Variants in RALGAPA2 observed in about 807,000 individuals in gnomAD.
The protein encoded by RALGAPA2 is ral GTPase-activating protein subunit alpha-2.
Under a neutral mutation model 230.4 loss-of-function variants are expected in RALGAPA2, and 139 were observed. That is an observed-to-expected ratio of 0.60 (90% CI 0.53 to 0.69). The LOEUF is 0.69. RALGAPA2 is among the 30% of genes least tolerant of loss of function. The pLI is 0.00. For synonymous variants in RALGAPA2, 847 were observed against 837.8 expected (o/e 1.01, Z -0.19); for missense variants, 2,163 against 2,276.0 (o/e 0.95, Z 1.01).
At chr20:20,704,410 T>C (rs1197946460) in intron 1 of RALGAPA2, among the ~76,000 whole-genome samples, 3 of 152,184 alleles carry the variant, frequency 2.0e-5, no homozygotes, top group Non-Finnish European at 4.4e-5. Context: ...CCATGTTAGG[T>C]ACTCTTTCAA....
intron 15 of RALGAPA2, among the ~76,000 whole-genome samples, chr20:20,602,760 C>T (rs1214182452): frequency 6.6e-6 from 1 of 152,064 alleles, no homozygotes. Flanking sequence ...TAAGATAAGT[C>T]TGTCTCTTTA....
chr20:20,460,105 C>T (rs1466807163), intron 37 of RALGAPA2, among the ~76,000 whole-genome samples: 2 of 152,196 alleles, frequency 1.3e-5, no homozygotes, highest in Non-Finnish European at 2.9e-5. Context: ...CCCTGATTTA[C>T]CATGGCACAT....
chr20:20,655,800 T>C (rs1407659971), intron 3 of RALGAPA2, among the ~76,000 whole-genome samples: 1 of 152,004 alleles, frequency 6.6e-6, no homozygotes, highest in East Asian at 1.9e-4. Context: ...AAAGAGAACA[T>C]ATAATAGTGA....
chr20:20,693,643 T>C (rs981625842), intron 1 of RALGAPA2, among the ~76,000 whole-genome samples: 20 of 152,116 alleles, frequency 1.3e-4, no homozygotes, highest in African/African-American at 4.6e-4. Flanking sequence ...TAATTATGAT[T>C]AACAGTAATA....
At chr20:20,397,456 C>T (rs73288519) in intron 38 of RALGAPA2, among the ~76,000 whole-genome samples, 4,001 of 152,320 alleles carry the variant, frequency 0.026, 187 homozygotes, top group African/African-American at 0.091. Flanking sequence ...TCCACGCCAT[C>T]CTATTTCCTA....
rs762792605 is a variant in RALGAPA2, at chr20:20,546,866, A to G, written c.3157-34T>C. 1.9e-6 allele frequency: 3 copies of G among 1,543,524 alleles called. No individual in the cohort carries two copies. In the Admixed American group the frequency reaches 6.3e-5, roughly 32 times the overall value. ...GAAGATAAGAAAAAACACAATCGTA[A>G]TGTTCAAACACAAAATTCCAAAGTA... On this transcript the variant is annotated intron_variant, in intron 23 of 39. Transcript: ENST00000202677.
chr20:20,429,895 TC>T (rs1335711993), intron 37 of RALGAPA2, among the ~76,000 whole-genome samples: 1 of 152,174 alleles, frequency 6.6e-6, no homozygotes, highest in Non-Finnish European at 1.5e-5. Context: ...TTGGTGTCAT[TC>T]AAAAACCCTG....
At chr20:20,410,628 C>T (rs1217161053) in intron 38 of RALGAPA2, among the ~76,000 whole-genome samples, 1 of 152,288 alleles carries the variant, frequency 6.6e-6, no homozygotes, top group South Asian at 2.1e-4. Context: ...ATCTTCATTT[C>T]CCTTGAAACG....
chr20:20,655,691 G>A (rs2067565606), intron 3 of RALGAPA2, among the ~76,000 whole-genome samples: 1 of 152,182 alleles, frequency 6.6e-6, no homozygotes, highest in Non-Finnish European at 1.5e-5. Flanking sequence ...GAGGTGAACT[G>A]GAGGCAGCTG....
At chr20:20,582,538 A>T (rs1358453828) in intron 20 of RALGAPA2, among the ~76,000 whole-genome samples, 2 of 152,116 alleles carry the variant, frequency 1.3e-5, no homozygotes, top group Non-Finnish European at 2.9e-5. Context: ...GTAAAACTAT[A>T]AAGAAATCAA....
chr20:20,544,077 T>C (rs1177188645), intron 24 of RALGAPA2, among the ~76,000 whole-genome samples: 2 of 151,140 alleles, frequency 1.3e-5, no homozygotes, highest in African/African-American at 4.9e-5. Context: ...GAAATGCAAA[T>C]CAAAACCACA....
At chr20:20,500,188 G>C (rs983454418) in intron 35 of RALGAPA2, among the ~76,000 whole-genome samples, 12 of 152,150 alleles carry the variant, frequency 7.9e-5, no homozygotes, top group Admixed American at 5.2e-4. Flanking sequence ...CTGAAGGCTG[G>C]GGTGGCTGTG....
chr20:20,622,613 TA>T (rs1334892490), intron 10 of RALGAPA2, among the ~76,000 whole-genome samples: 1 of 152,128 alleles, frequency 6.6e-6, no homozygotes, highest in Non-Finnish European at 1.5e-5. Context: ...AAAACACTTC[TA>T]AAATGAAAGC....
chr20:20,640,473 A>C (rs2066994994), intron 6 of RALGAPA2, among the ~76,000 whole-genome samples: 1 of 152,142 alleles, frequency 6.6e-6, no homozygotes, highest in African/African-American at 2.4e-5. Context: ...GTCCCCTCCT[A>C]TTCCTGCTTC....
In RALGAPA2 at chr20:20,637,447, G is replaced by T; in HGVS notation, c.721C>A (p.Leu241Ile). ...KENQDTGFKFLFTLFRKYYLP... is the reference protein window; with the variant it reads ...KENQDTGFKFIFTLFRKYYLP... ...TAATACTTTCGAAACAATGTAAAAA[G>T]AAATTTAAAACCAGTATCTTGATTC... is the stretch of plus-strand genomic sequence containing the variant. Residue 241 changes from leucine (L) to isoleucine (I), a missense_variant, in exon 8 of 40, where the codon CTT becomes ATT. By Grantham distance (5) the Leu-to-Ile change is conservative (BLOSUM62 2). Coordinates refer to ENST00000202677, the MANE Select transcript of RALGAPA2 (RefSeq NM_020343.4). 1 of 1,574,528 alleles carries T rather than the reference G, an allele frequency of 6.4e-7. No homozygotes were observed. Among genetic ancestry groups the T allele is most frequent in the Non-Finnish European group, 8.6e-7 (1 of 1,157,744 alleles).
intron 1 of RALGAPA2, among the ~76,000 whole-genome samples, chr20:20,711,808 A>T (rs931073650): frequency 6.6e-6 from 1 of 152,206 alleles, no homozygotes; most frequent in Non-Finnish European, 1.5e-5. Flanking sequence ...AATTAAATTT[A>T]AAAAGCAGCA....
At chr20:20,649,062 AC>A (rs1487891858) in intron 4 of RALGAPA2, among the ~76,000 whole-genome samples, 5 of 152,112 alleles carry the variant, frequency 3.3e-5, no homozygotes, top group Admixed American at 1.3e-4. Flanking sequence ...CGGTAAAAGC[AC>A]CCTGAGAGGG....
chr20:20,501,050 T>C (rs1202212211), intron 35 of RALGAPA2, among the ~76,000 whole-genome samples: 1 of 152,242 alleles, frequency 6.6e-6, no homozygotes, highest in Non-Finnish European at 1.5e-5. Context: ...ATCCTGGTTT[T>C]GTTGTTCCAT....
chr20:20,559,656 G>A (rs927655582), intron 23 of RALGAPA2, among the ~76,000 whole-genome samples: 1 of 151,022 alleles, frequency 6.6e-6, no homozygotes, highest in Non-Finnish European at 1.5e-5. Context: ...CATTTTAGGG[G>A]CCTAAAAACA....
Sources: allele counts gnomAD v4.1 joint callset (sites outside exome capture counted in the v4.1 genomes callset), GRCh38; gene constraint gnomAD v4.1.1; transcripts MANE v1.5; gene names NCBI Gene and HGNC (gene_info 2026-07-23, HGNC 2026-07-21).